The following OCEL1 variants were observed in gnomAD, a reference collection of about 807,000 sequenced individuals.
OCEL1 encodes the protein occludin/ELL domain-containing protein 1.
In OCEL1, 24 loss-of-function variants were observed where a neutral mutation model predicts 29.4. The ratio of observed to expected loss-of-function variants is 0.82; its 90% CI spans 0.59 to 1.15. The LOEUF is 1.15. Among genes scored for constraint, OCEL1 ranks in the 50% most tolerant of loss-of-function variants. OCEL1 has a pLI of 0.00. For synonymous variants in OCEL1, 172 were observed against 145.3 expected (o/e 1.18, Z -1.32); for missense variants, 402 against 352.5 (o/e 1.14, Z -1.13).
chr19:17,229,078 C>T lies in OCEL1; in HGVS notation c.*153C>T, dbSNP rs777075874. 9.7e-6 allele frequency: 8 copies of T among 825,846 alleles called. No homozygotes were observed. Among genetic ancestry groups the T allele is most frequent in the Non-Finnish European group, 1.4e-5 (8 of 557,152 alleles). 51.2% of individuals were successfully genotyped at this position (825,846 alleles called of 1,614,324 possible). A position where few individuals can be genotyped will look rare whatever the true frequency, so the allele number is the denominator to read the frequency against. On this transcript the variant is annotated 3_prime_UTR_variant, in exon 6 of 6. Transcript: ENST00000215061. ...TTCAGTTTGGACTCAGCTCTGACAG[C>T]CCCTCCTCCAGGAAGGCCTTCCAGG...
Position 17,229,078 on chromosome 19 carries a change from C to G in OCEL1, c.*153C>G, listed in dbSNP as rs777075874. 36 of 825,728 alleles carry G rather than the reference C, an allele frequency of 4.4e-5. No individual in the cohort carries two copies. Among genetic ancestry groups the G allele is most frequent in the Non-Finnish European group, 7.2e-6 (4 of 557,162 alleles). The allele number at this position is 825,728 out of a possible 1,614,324, so 51.2% of individuals were successfully genotyped here. A position where few individuals can be genotyped will look rare whatever the true frequency, so the allele number is the denominator to read the frequency against. ...TTCAGTTTGGACTCAGCTCTGACAG[C>G]CCCTCCTCCAGGAAGGCCTTCCAGG... On this transcript the variant is annotated 3_prime_UTR_variant, in exon 6 of 6. Coordinates refer to ENST00000215061, the MANE Select transcript of OCEL1 (RefSeq NM_024578.3).
Position 17,227,856 on chromosome 19 carries a change from A to G in OCEL1, c.469A>G (p.Ser157Gly). 6.2e-7 allele frequency: 1 copy of G among 1,613,824 alleles called. No individual in the cohort carries two copies. Among genetic ancestry groups the G allele is most frequent in the South Asian group, 1.1e-5 (1 of 91,060 alleles). The change falls in exon 4 of 6, where the codon AGC becomes GGC. Residue 157 changes from serine (S) to glycine (G), a missense_variant. Transcript: ENST00000215061. ...PDYELKYPPVSSERERSRYVA... is the reference protein window; with the variant it reads ...PDYELKYPPVGSERERSRYVA... ...ACCTGGTAGTAAGTACCCGCCAGTG[A>G]GCAGTGAGAGGGAACGGAGCCGCTA...
intron 4 of OCEL1, 52 bp from the exon 5 acceptor site, chr19:17,228,204 C>G: frequency 6.2e-7 from 1 of 1,601,378 alleles, no homozygotes; most frequent in Non-Finnish European, 8.6e-7. Context: ...TTTCTTCATC[C>G]CTTCTTGAAT....
chr19:17,228,933 T>A lies in OCEL1; in HGVS notation c.*8T>A, dbSNP rs2073388664. Reference sequence around the variant, plus strand: ...GGCTCCGTGTACTTCTAAGTGCCCCTGCAGATGGGCAGAGGGATGCATGGG... The same window carrying A: ...GGCTCCGTGTACTTCTAAGTGCCCCAGCAGATGGGCAGAGGGATGCATGGG... On this transcript the variant is annotated 3_prime_UTR_variant, in exon 6 of 6. Transcript: ENST00000215061. 7 of 1,611,190 alleles carry A rather than the reference T, an allele frequency of 4.3e-6. No homozygotes were observed. The highest frequency in any genetic ancestry group is 5.9e-6 in the Non-Finnish European group (7 of 1,178,980).
intron 1 of OCEL1, 183 bp from the exon 2 acceptor site, chr19:17,226,510 C>A: frequency 1.1e-6 from 1 of 889,148 alleles, no homozygotes; most frequent in Non-Finnish European, 1.7e-6. Context: ...ATTTGGGTTG[C>A]GCAGTCGTGG....
rs770018046 is a variant in OCEL1, at chr19:17,227,897, G to A, written c.510G>A (p.Gln170=). 9.3e-6 allele frequency: 15 copies of A among 1,613,892 alleles called. No homozygotes were observed. In the Admixed American group the frequency reaches 2.5e-4, roughly 27 times the overall value. Residue 170 remains glutamine, a synonymous_variant, in exon 4 of 6, where the codon CAG becomes CAA. Transcript: ENST00000215061. ...GGAGCCGCTATGTCGCAGTGTTCCA[G>A]GACCAGTACGGAGAGTTCTTGGAGC... is the stretch of plus-strand genomic sequence containing the variant. ...RERSRYVAVF[Q]DQYGEFLELQ...
rs754924838 is a variant in OCEL1 at position 17,229,029 on chromosome 19, T to C, written c.*104T>C. ...TGCAGCTCCCCCTACCAGGGGTCGC[T>C]TTCTCCTGGATTGCAAATGCCTCTT... On this transcript the variant is annotated 3_prime_UTR_variant, in exon 6 of 6. Transcript: ENST00000215061. 302 of 1,381,124 alleles carry C rather than the reference T, an allele frequency of 2.2e-4. No homozygotes were observed. Among genetic ancestry groups the C allele is most frequent in the Non-Finnish European group, 2.8e-4 (289 of 1,022,458 alleles). 85.6% of individuals were successfully genotyped at this position (1,381,124 alleles called of 1,614,324 possible).
At position 17,227,940 on chromosome 19, in the gene OCEL1, T is replaced by C; in HGVS notation, c.553T>C (p.Cys185Arg). ...CTTGGAGCTCCAGCACGAGGTGGGG[T>C]GTGCACAGGCAAAGCTCAGGCAGCT... is the stretch of plus-strand genomic sequence containing the variant. ...EFLELQHEVG[C>R]AQAKLRQLEA... Residue 185 changes from cysteine to arginine, a missense_variant, in exon 4 of 6, where the codon TGT (cysteine) becomes CGT (arginine). Physicochemically the swap from Cys to Arg is radical, Grantham distance 180. Coordinates refer to ENST00000215061, the MANE Select transcript of OCEL1 (RefSeq NM_024578.3). 1 of 1,612,892 alleles carries C rather than the reference T, an allele frequency of 6.2e-7. No homozygotes were observed. Among genetic ancestry groups the C allele is most frequent in the Non-Finnish European group, 8.5e-7 (1 of 1,179,918 alleles).
chr19:17,226,403 C>A, intron 1 of OCEL1, 87 bp downstream of exon 1: 1 of 1,486,504 alleles, frequency 6.7e-7, no homozygotes, highest in South Asian at 1.2e-5. Flanking sequence ...TCTGTGGGCT[C>A]TGCGCGCCCT....
intron 1 of OCEL1, 72 bp downstream of exon 1, chr19:17,226,388 G>T (rs2073359448): frequency 2.0e-6 from 3 of 1,536,604 alleles, no homozygotes; most frequent in Admixed American, 3.8e-5. Flanking sequence ...CCTCGGGCGC[G>T]GTCGTCTGTG....
rs747846926 is a variant in OCEL1 at position 17,226,740 on chromosome 19, C to A, written c.117C>A (p.Arg39=). The change falls in exon 2 of 6, where the codon CGC becomes CGA. Residue 39 remains arginine (R), a synonymous_variant. Coordinates refer to ENST00000215061, the MANE Select transcript of OCEL1 (RefSeq NM_024578.3). The part of the protein sequence containing the change: ...PPPRAGHDAP[R]RTRPSARKPL... Reference sequence around the variant, plus strand: ...CGCGCGCGGGACACGACGCCCCCCGCAGGACCCGCCCATCAGCCCGGAAAC... The same window carrying A: ...CGCGCGCGGGACACGACGCCCCCCGAAGGACCCGCCCATCAGCCCGGAAAC... The A allele has an allele frequency of 1.9e-6, 3 of 1,561,662 alleles. No homozygotes were observed. The highest frequency in any genetic ancestry group is 1.9e-5 in the Admixed American group (1 of 52,652).
rs748265565 is a variant in OCEL1, at chr19:17,227,982, TC to T, written c.598del (p.Leu200CysfsTer22). On this transcript the variant is annotated frameshift_variant, in exon 4 of 6. Transcript: ENST00000215061. LOFTEE classifies it high-confidence loss of function. ...KLRQLEALLS[S>X]LPPPQSQKEA... Reference sequence around the variant, plus strand: ...CAGGCAGCTGGAGGCCCTGCTGAGCTCCCTGCCCCCACCCCAAAGCCAGGTC... The same window carrying T: ...CAGGCAGCTGGAGGCCCTGCTGAGCTCCTGCCCCCACCCCAAAGCCAGGTC... The T allele has an allele frequency of 6.2e-7, 1 of 1,612,130 alleles. No individual in the cohort carries two copies. Among genetic ancestry groups the T allele is most frequent in the South Asian group, 1.1e-5 (1 of 90,998 alleles).
At position 17,226,291 on chromosome 19, in the gene OCEL1, G is replaced by A. The variant is rs370333794; in HGVS notation, c.44G>A (p.Gly15Asp). The change falls in exon 1 of 6, where the codon GGC becomes GAC. Residue 15 changes from glycine to aspartate, a missense_variant. Coordinates refer to ENST00000215061, the MANE Select transcript of OCEL1 (RefSeq NM_024578.3). ...AGTGCCTCTCCGACAGCAGATCCAG[G>A]CTCGGAGCTCCAGACGCTGGGACAG... Reference protein sequence around the residue: ...DGSASPTADPGSELQTLGQAA... With the variant: ...DGSASPTADPDSELQTLGQAA... 8.1e-6 allele frequency: 13 copies of A among 1,612,430 alleles called. 1 individual carries two copies. In the African/African-American group the frequency reaches 1.5e-4, roughly 18 times the overall value.
rs759661223 is a variant in OCEL1 at position 17,226,750 on chromosome 19, C to T, written c.127C>T (p.Pro43Ser). ...ACACGACGCCCCCCGCAGGACCCGC[C>T]CATCAGCCCGGAAACCCCTGAGCTG... ...AGHDAPRRTR[P>S]SARKPLSCFS... Residue 43 changes from proline (P) to serine (S), a missense_variant, in exon 2 of 6, where the codon CCA (proline) becomes TCA (serine). Coordinates refer to ENST00000215061, the MANE Select transcript of OCEL1 (RefSeq NM_024578.3). The T allele has an allele frequency of 6.3e-7, 1 of 1,579,850 alleles. No individual in the cohort carries two copies. The highest frequency in any genetic ancestry group is 1.8e-5 in the Admixed American group (1 of 55,462).
In OCEL1 at chr19:17,227,931, G is replaced by A. The variant is rs1240270387; in HGVS notation, c.544G>A (p.Glu182Lys). 1 of 1,613,512 alleles carries A rather than the reference G, an allele frequency of 6.2e-7. No individual in the cohort carries two copies. Among genetic ancestry groups the A allele is most frequent in the Non-Finnish European group, 8.5e-7 (1 of 1,180,016 alleles). The part of the protein sequence containing the change: ...QYGEFLELQH[E>K]VGCAQAKLRQ... ...CGGAGAGTTCTTGGAGCTCCAGCAC[G>A]AGGTGGGGTGTGCACAGGCAAAGCT... Residue 182 changes from glutamate (E) to lysine (K), a missense_variant, in exon 4 of 6, where the codon GAG becomes AAG. Physicochemically the swap from Glu to Lys is moderately conservative, Grantham distance 56. Transcript: ENST00000215061.
At position 17,228,924 on chromosome 19, in the gene OCEL1, A is replaced by G. The variant is rs1011351373; in HGVS notation, c.794A>G (p.Ter265=). The G allele has an allele frequency of 4.3e-6, 7 of 1,612,038 alleles. No homozygotes were observed. The highest frequency in any genetic ancestry group is 1.7e-5 in the Admixed American group (1 of 59,960). ...QGDSEGSVYF[*] ...GACAGCGAGGGCTCCGTGTACTTCT[A>G]AGTGCCCCTGCAGATGGGCAGAGGG... Residue 265 remains the stop codon, a stop_retained_variant, in exon 6 of 6, where the codon TAA becomes TGA. Transcript: ENST00000215061.
chr19:17,227,141 A>G lies in OCEL1; in HGVS notation c.394A>G (p.Ile132Val), dbSNP rs375778859. The change falls in exon 3 of 6, where the codon ATT becomes GTT. Residue 132 changes from isoleucine (I) to valine (V), a missense_variant. Coordinates refer to ENST00000215061, the MANE Select transcript of OCEL1 (RefSeq NM_024578.3). ...GGCCCTCCTGGGCGCCAAGAAGCCT[A>G]TTGGAGCCATCCCTAAGGGGCATAA... ...SQALLGAKKP[I>V]GAIPKGHKPR... is the part of the protein sequence containing the mutation. The G allele has an allele frequency of 2.8e-5, 44 of 1,594,064 alleles. No homozygotes were observed. Among genetic ancestry groups the G allele is most frequent in the African/African-American group, 2.5e-4 (18 of 73,356 alleles).
chr19:17,226,542 G>A (rs1568312537), intron 1 of OCEL1, 151 bp from the exon 2 acceptor site: 3 of 967,922 alleles, frequency 3.1e-6, no homozygotes, highest in Admixed American at 2.9e-5. Context: ...ACGTCGCTGC[G>A]GACCAATCGC....
Position 17,226,792 on chromosome 19 carries a change from A to G in OCEL1, c.169A>G (p.Met57Val), listed in dbSNP as rs1380323413. ...CCTGAGCTGCTTCTCCCGGAGGCCG[A>G]TGCCCACCCGGGAGCCCCCAAAGAC... is the stretch of plus-strand genomic sequence containing the variant. ...KPLSCFSRRP[M>V]PTREPPKTRG... Residue 57 changes from methionine to valine, a missense_variant, in exon 2 of 6, where the codon ATG becomes GTG. By Grantham distance (21) the Met-to-Val change is conservative. Coordinates refer to ENST00000215061, the MANE Select transcript of OCEL1 (RefSeq NM_024578.3). 3 of 1,594,504 alleles carry G rather than the reference A, an allele frequency of 1.9e-6. No homozygotes were observed. The highest frequency in any genetic ancestry group is 1.4e-5 in the African/African-American group (1 of 73,678).
Sources: allele counts gnomAD v4.1 joint callset, GRCh38; gene constraint gnomAD v4.1.1; transcripts MANE v1.5; gene names NCBI Gene and HGNC (gene_info 2026-07-23, HGNC 2026-07-21).